The following GULP1 variants were observed in gnomAD, a reference collection of about 807,000 sequenced individuals.
GULP1 encodes PTB domain-containing engulfment adapter protein 1.
Under a neutral mutation model 40.9 loss-of-function variants are expected in GULP1, and 19 were observed. The observed-to-expected ratio is 0.46, with a 90% CI of 0.32 to 0.68. The LOEUF (loss-of-function observed/expected upper bound fraction) is 0.68, where lower values mean the gene tolerates loss of function less well. GULP1 is among the 30% of genes least tolerant of loss of function. GULP1 has a pLI of 0.03. For synonymous variants in GULP1, 119 were observed against 117.6 expected (o/e 1.01, Z -0.08); for missense variants, 312 against 362.2 (o/e 0.86, Z 1.12).
At chr2:188,336,115 T>C (rs747906682) in intron 1 of GULP1, among the ~76,000 whole-genome samples, 4 of 152,184 alleles carry the variant, frequency 2.6e-5, no homozygotes, top group South Asian at 4.1e-4. Context: ...TTATATTAGA[T>C]TGGGGGGCAC....
At chr2:188,471,781 C>A (rs1215622848) in intron 2 of GULP1, among the ~76,000 whole-genome samples, 1 of 152,116 alleles carries the variant, frequency 6.6e-6, no homozygotes, top group Non-Finnish European at 1.5e-5. Flanking sequence ...ATGGTTTAGT[C>A]TTTCTGCTTC....
In GULP1 at chr2:188,554,849, A is replaced by T. The variant is rs576882544; in HGVS notation, c.399+13531A>T. On this transcript the variant is annotated intron_variant, in intron 7 of 11. Transcript: ENST00000409830. ...GGGTGCATATATACTTAGATTTTTT[A>T]AAATTGTTATATCGTCTCACTGGAT... 3.3e-5 allele frequency among the ~76,000 whole-genome samples: 5 copies of T among 152,158 alleles called. No individual in the cohort carries two copies. In the South Asian group the frequency reaches 1.0e-3, roughly 32 times the overall value.
intron 2 of GULP1, among the ~76,000 whole-genome samples, chr2:188,395,638 T>G (rs1373973639): frequency 6.6e-6 from 1 of 152,144 alleles, no homozygotes; most frequent in East Asian, 1.9e-4. Context: ...ATCCAGATTT[T>G]TTTGTCCCAT....
At chr2:188,335,742 G>A (rs1198744960) in intron 1 of GULP1, among the ~76,000 whole-genome samples, 1 of 152,152 alleles carries the variant, frequency 6.6e-6, no homozygotes, top group African/African-American at 2.4e-5. Context: ...TTAGTTTATA[G>A]TAACAAGATA....
intron 1 of GULP1, among the ~76,000 whole-genome samples, chr2:188,372,283 C>T (rs2047699177): frequency 6.6e-6 from 1 of 152,032 alleles, no homozygotes; most frequent in Non-Finnish European, 1.5e-5. Flanking sequence ...GTACTTTCTA[C>T]TTACTAATAG....
intron 1 of GULP1, among the ~76,000 whole-genome samples, chr2:188,360,044 T>A (rs767280305): frequency 2.5e-4 from 38 of 152,226 alleles, no homozygotes; most frequent in South Asian, 6.2e-4. Flanking sequence ...CAGTTGAACT[T>A]CTCCATGCTG....
At chr2:188,452,818 A>C (rs746326729) in intron 2 of GULP1, among the ~76,000 whole-genome samples, 2 of 152,220 alleles carry the variant, frequency 1.3e-5, no homozygotes, top group Non-Finnish European at 2.9e-5. Flanking sequence ...TGAATATTTT[A>C]TTAATACAAT....
intron 6 of GULP1, among the ~76,000 whole-genome samples, chr2:188,533,835 G>T (rs910989311): frequency 7.2e-5 from 11 of 151,800 alleles, no homozygotes; most frequent in Admixed American, 5.9e-4. Context: ...ACAGGAACAG[G>T]CCCTTCTCAA....
At chr2:188,303,729 G>A (rs981988271) in intron 1 of GULP1, among the ~76,000 whole-genome samples, 2 of 152,188 alleles carry the variant, frequency 1.3e-5, no homozygotes, top group African/African-American at 4.8e-5. Flanking sequence ...GGCGACATTT[G>A]AAGTAACAAG....
At chr2:188,409,332 A>G (rs966630474) in intron 2 of GULP1, among the ~76,000 whole-genome samples, 2 of 152,180 alleles carry the variant, frequency 1.3e-5, no homozygotes, top group African/African-American at 4.8e-5. Context: ...GAACAACAAT[A>G]TAACAATAAC....
intron 2 of GULP1, among the ~76,000 whole-genome samples, chr2:188,399,706 A>AAC (rs2051885536): frequency 1.3e-5 from 2 of 149,944 alleles, no homozygotes; most frequent in Admixed American, 1.3e-4. Flanking sequence ...AAAAAAAAAA[A>AAC]AAAAAAAACA....
intron 2 of GULP1, among the ~76,000 whole-genome samples, chr2:188,425,144 A>G (rs1206371565): frequency 6.6e-6 from 1 of 152,090 alleles, no homozygotes; most frequent in Non-Finnish European, 1.5e-5. Flanking sequence ...ACCACTGCCC[A>G]TCACCTACTA....
intron 1 of GULP1, among the ~76,000 whole-genome samples, chr2:188,314,418 C>A (rs1355348061): frequency 1.3e-5 from 2 of 151,908 alleles, no homozygotes; most frequent in Admixed American, 6.6e-5. Context: ...AGATCTTTAT[C>A]CTCCCCCTCT....
chr2:188,427,458 A>G (rs2056349517), intron 2 of GULP1, among the ~76,000 whole-genome samples: 1 of 152,228 alleles, frequency 6.6e-6, no homozygotes, highest in Non-Finnish European at 1.5e-5. Context: ...GGGACCTAGG[A>G]GAACTCAATC....
chr2:188,297,736 TATA>T (rs1267063136), intron 1 of GULP1: 1 of 207,034 alleles, frequency 4.8e-6, no homozygotes, highest in Non-Finnish European at 1.0e-5. Flanking sequence ...TTTATAGCTG[TATA>T]ATATTTCATG....
intron 5 of GULP1, among the ~76,000 whole-genome samples, chr2:188,526,307 T>A (rs1397947548): frequency 1.3e-5 from 2 of 152,184 alleles, no homozygotes; most frequent in Non-Finnish European, 2.9e-5. Context: ...GAATACTTTT[T>A]ATTGGATTAT....
chr2:188,319,391 A>G (rs886491425), intron 1 of GULP1, among the ~76,000 whole-genome samples: 2 of 152,128 alleles, frequency 1.3e-5, no homozygotes, highest in African/African-American at 2.4e-5. Context: ...GACCATTTTC[A>G]GACTTGTACA....
At chr2:188,588,974 G>A (rs1324136975) in intron 11 of GULP1, 1 of 151,992 alleles carries the variant, frequency 6.6e-6, no homozygotes, top group Non-Finnish European at 1.5e-5. Flanking sequence ...TTTAAAAGTT[G>A]AATTACTTAA....
At chr2:188,580,562 A>AT (rs1006760340) in intron 9 of GULP1, among the ~76,000 whole-genome samples, 2 of 152,046 alleles carry the variant, frequency 1.3e-5, no homozygotes, top group African/African-American at 4.8e-5. Flanking sequence ...CAAAAAAAAA[A>AT]AAAAAATGGA....
Sources: gnomAD v4.1 joint callset for allele counts (sites outside exome capture counted in the v4.1 genomes callset) on GRCh38, gnomAD v4.1.1 for gene constraint, MANE v1.5 for transcripts, NCBI Gene and HGNC (gene_info 2026-07-23, HGNC 2026-07-21) for gene names.